The following SLC24A2 variants were observed in gnomAD, a reference collection of about 807,000 sequenced individuals.
SLC24A2 encodes sodium/potassium/calcium exchanger 2.
SLC24A2 carries 36 observed loss-of-function variants against 62.0 expected under a neutral mutation model. The observed-to-expected ratio is 0.58, with a 90% confidence interval of 0.44 to 0.77. The LOEUF is 0.77. Among genes scored for constraint, SLC24A2 ranks in the 30% least tolerant of loss-of-function variants. The probability of loss-of-function intolerance (pLI) is 0.00; values close to 1 mark genes in which losing one functional copy is unlikely to be tolerated. For synonymous variants in SLC24A2, 358 were observed against 294.0 expected (o/e 1.22, Z -2.23); for missense variants, 846 against 817.9 (o/e 1.03, Z -0.42).
the SLC24A2 span, among the ~76,000 whole-genome samples, chr9:20,235,593 G>A: frequency 6.6e-6 from 1 of 152,184 alleles, no homozygotes; most frequent in Non-Finnish European, 1.5e-5. Context: ...TGCAGTATTG[G>A]GGTGGGAGTG....
the SLC24A2 span, among the ~76,000 whole-genome samples, chr9:20,110,957 G>A: frequency 6.6e-5 from 10 of 152,082 alleles, no homozygotes; most frequent in Non-Finnish European, 1.5e-4. Context: ...TTTTTTCTTG[G>A]TAGTATGTTT....
chr9:19,663,560 C>G (rs1381350209), intron 2 of SLC24A2, among the ~76,000 whole-genome samples: 1 of 152,132 alleles, frequency 6.6e-6, no homozygotes, highest in African/African-American at 2.4e-5. Flanking sequence ...TGGATCAGAA[C>G]AGCAGTAAAG....
the SLC24A2 span, among the ~76,000 whole-genome samples, chr9:20,270,335 A>C: frequency 6.6e-6 from 1 of 152,120 alleles, no homozygotes; most frequent in South Asian, 2.1e-4. Context: ...TGTCTAGGCT[A>C]TATTTTTTAC....
chr9:19,695,550 A>G (rs1291037430), intron 2 of SLC24A2, among the ~76,000 whole-genome samples: 1 of 152,150 alleles, frequency 6.6e-6, no homozygotes, highest in Non-Finnish European at 1.5e-5. Context: ...GGCAATATCT[A>G]GCAAACTTGA....
chr9:20,006,670 C>A, the SLC24A2 span, among the ~76,000 whole-genome samples: 1 of 152,068 alleles, frequency 6.6e-6, no homozygotes, highest in Non-Finnish European at 1.5e-5. Flanking sequence ...TAGACCTCAT[C>A]AAGGCCTAGG....
chr9:19,951,327 C>T, the SLC24A2 span, among the ~76,000 whole-genome samples: 14 of 150,992 alleles, frequency 9.3e-5, no homozygotes, highest in East Asian at 1.4e-3. Flanking sequence ...TTAACAGTGT[C>T]TTTAGAAGAG....
intron 2 of SLC24A2, among the ~76,000 whole-genome samples, chr9:19,750,641 A>G (rs1821955416): frequency 6.6e-6 from 1 of 152,068 alleles, no homozygotes; most frequent in Admixed American, 6.6e-5. Flanking sequence ...ATAAAATGCA[A>G]TTTTGAGAAT....
At chr9:19,914,691 C>A in the SLC24A2 span, among the ~76,000 whole-genome samples, 28 of 152,158 alleles carry the variant, frequency 1.8e-4, no homozygotes, top group African/African-American at 6.5e-4. Flanking sequence ...TCCCTTATGA[C>A]CTTGCCTTGT....
chr9:20,260,093 CAAAT>C, the SLC24A2 span, among the ~76,000 whole-genome samples: 1 of 152,120 alleles, frequency 6.6e-6, no homozygotes, highest in African/African-American at 2.4e-5. Context: ...AAAAAACAAA[CAAAT>C]AAATAAATAA....
chr9:19,633,673 A>G (rs1470576784), intron 2 of SLC24A2, among the ~76,000 whole-genome samples: 1 of 152,174 alleles, frequency 6.6e-6, no homozygotes, highest in Non-Finnish European at 1.5e-5. Context: ...CAGTATTAGC[A>G]TGAGTTTCTG....
At chr9:19,770,947 A>G (rs77084479) in intron 2 of SLC24A2, among the ~76,000 whole-genome samples, 3,734 of 152,342 alleles carry the variant, frequency 0.025, 148 homozygotes, top group African/African-American at 0.084. Context: ...TTTTTAAACA[A>G]GCTATTCAAC....
At chr9:19,706,261 C>A (rs1389339937) in intron 2 of SLC24A2, among the ~76,000 whole-genome samples, 1 of 151,806 alleles carries the variant, frequency 6.6e-6, no homozygotes, top group Non-Finnish European at 1.5e-5. Flanking sequence ...GCAACCCCTG[C>A]CTTTTTTTGT....
the SLC24A2 span, among the ~76,000 whole-genome samples, chr9:20,085,108 A>G: frequency 2.0e-5 from 3 of 152,182 alleles, no homozygotes; most frequent in African/African-American, 4.8e-5. Flanking sequence ...CAGTACTCCC[A>G]CCTCAGCCTC....
chr9:19,778,872 A>G (rs1822924147), intron 2 of SLC24A2, among the ~76,000 whole-genome samples: 1 of 152,266 alleles, frequency 6.6e-6, no homozygotes, highest in Non-Finnish European at 1.5e-5. Flanking sequence ...ACAATGAAAT[A>G]CAAAATAAAT....
the SLC24A2 span, among the ~76,000 whole-genome samples, chr9:20,022,142 T>C: frequency 1.3e-5 from 2 of 152,216 alleles, no homozygotes; most frequent in Non-Finnish European, 2.9e-5. Flanking sequence ...CTACTGCTTA[T>C]GTCTTTCTGA....
intron 8 of SLC24A2, among the ~76,000 whole-genome samples, chr9:19,546,614 T>C (rs1834586612): frequency 6.6e-6 from 1 of 152,166 alleles, no homozygotes; most frequent in African/African-American, 2.4e-5. Flanking sequence ...GATCTTAGCT[T>C]GCTGGACTCC....
At position 19,721,756 on chromosome 9, in the gene SLC24A2, G is replaced by A. The variant is rs181409600; in HGVS notation, c.930+64181C>T. 9.2e-5 allele frequency among the ~76,000 whole-genome samples: 14 copies of A among 152,134 alleles called. No individual in the cohort carries two copies. In the East Asian group the frequency reaches 2.3e-3, roughly 25 times the overall value. On this transcript the variant is annotated intron_variant, in intron 2 of 10. Coordinates refer to ENST00000341998, the MANE Select transcript of SLC24A2 (RefSeq NM_020344.4). The stretch of plus-strand genomic sequence containing the variant: ...AAATTAATCATTCCAACACATAACA[G>A]CCTTCATTTTGAGAATAGTTTCATC...
chr9:19,955,377 G>GTTT, the SLC24A2 span, among the ~76,000 whole-genome samples: 6 of 143,418 alleles, frequency 4.2e-5, no homozygotes, highest in Non-Finnish European at 6.1e-5. Flanking sequence ...AAATTCTCAG[G>GTTT]TTTTTTTTTT....
At chr9:20,138,668 TCTC>T in the SLC24A2 span, among the ~76,000 whole-genome samples, 1 of 152,198 alleles carries the variant, frequency 6.6e-6, no homozygotes, top group Non-Finnish European at 1.5e-5. Flanking sequence ...AGATTCTAAA[TCTC>T]CTTGCTCATG....
Sources: gnomAD v4.1 joint callset for allele counts (sites outside exome capture counted in the v4.1 genomes callset) on GRCh38, gnomAD v4.1.1 for gene constraint, MANE v1.5 for transcripts, NCBI Gene and HGNC (gene_info 2026-07-23, HGNC 2026-07-21) for gene names.